The following LNPEP variants were observed in gnomAD, a reference collection of about 807,000 sequenced individuals.
LNPEP encodes leucyl and cystinyl aminopeptidase, also known as leucyl-cystinyl aminopeptidase.
Under a neutral mutation model 120.6 loss-of-function variants are expected in LNPEP, and 64 were observed. The observed-to-expected ratio is 0.53, with a 90% CI of 0.43 to 0.65. The LOEUF is 0.65. Among genes scored for constraint, LNPEP ranks in the 30% least tolerant of loss-of-function variants. The probability of loss-of-function intolerance (pLI) is 0.00; values close to 1 mark genes in which losing one functional copy is unlikely to be tolerated. For synonymous variants in LNPEP, 435 were observed against 425.4 expected, an observed-to-expected ratio of 1.02 and a Z score of -0.28; for missense variants, 1,057 against 1,200.0, an observed-to-expected ratio of 0.88 and a Z score of 1.76.
In LNPEP at chr5:96,993,982, C is replaced by G; in HGVS notation, c.1407+11C>G. ...GAGCTGGCCCACCAGGTATTAGCAA[C>G]CAAGGCTGTTCTGTGTCACACCTGT... On this transcript the variant is annotated intron_variant, in intron 6 of 17. Transcript: ENST00000231368. 1.2e-6 allele frequency: 2 copies of G among 1,612,710 alleles called. No individual in the cohort carries two copies. The highest frequency in any genetic ancestry group is 1.7e-6 in the Non-Finnish European group (2 of 1,178,904).
At chr5:96,984,870 C>G (rs1387584269) in intron 2 of LNPEP, among the ~76,000 whole-genome samples, 1 of 152,138 alleles carries the variant, frequency 6.6e-6, no homozygotes, top group Non-Finnish European at 1.5e-5. Flanking sequence ...TGTTTCCTTC[C>G]CTTTGTTCCC....
At position 97,006,833 on chromosome 5, in the gene LNPEP, A is replaced by G. The variant is rs187158684; in HGVS notation, c.2035+318A>G. 2.0e-4 allele frequency among the ~76,000 whole-genome samples: 30 copies of G among 152,344 alleles called. No homozygotes were observed. In the East Asian group the frequency reaches 3.3e-3, roughly 17 times the overall value. ...GGAGTTTCTTAAAGTATCCTCTGCT[A>G]TCTACTGTCTAGGGTTGGGCTGAGG... On this transcript the variant is annotated intron_variant, in intron 11 of 17. Transcript: ENST00000231368.
rs1259640103 is a variant in LNPEP, at chr5:97,029,235, T to C, written c.*702T>C. 6.6e-6 allele frequency: 1 copy of C among 152,366 alleles called. No individual in the cohort carries two copies. The highest frequency in any genetic ancestry group is 1.5e-5 in the Non-Finnish European group (1 of 68,040). 9.4% of individuals were successfully genotyped at this position (152,366 alleles called of 1,614,324 possible). ...AATTTTTTGAATATTTAAGACTTTC[T>C]TTTTCATCTTTTATAGCGTTACCAT... On this transcript the variant is annotated 3_prime_UTR_variant, in exon 18 of 18. Coordinates refer to ENST00000231368, the MANE Select transcript of LNPEP (RefSeq NM_005575.3).
intron 1 of LNPEP, among the ~76,000 whole-genome samples, chr5:96,947,621 A>C (rs917883795): frequency 1.3e-5 from 2 of 152,214 alleles, no homozygotes; most frequent in Admixed American, 6.5e-5. Flanking sequence ...TCCTCTGTAG[A>C]ATCGACAATG....
intron 6 of LNPEP, among the ~76,000 whole-genome samples, chr5:96,995,557 C>A (rs1209740803): frequency 1.3e-5 from 2 of 150,680 alleles, no homozygotes; most frequent in Non-Finnish European, 2.9e-5. Context: ...GAAACAAGAT[C>A]TCACTCTGTC....
intron 1 of LNPEP, 137 bp downstream of exon 1, chr5:96,936,311 G>T: frequency 1.8e-6 from 1 of 542,656 alleles, no homozygotes; most frequent in Non-Finnish European, 2.8e-6. Context: ...GGGAGGCAGG[G>T]AGAGGGGATC....
In LNPEP at chr5:97,022,333, C is replaced by T; in HGVS notation, c.2410C>T (p.Gln804Ter). ...RVFKLLQNQI[Q>*]QQTWTDEGTP... ...ATTTAAATTACTTCAAAACCAAATT[C>T]AACAACAAACTTGGACTGATGAGGG... Residue 804 changes from glutamine to a stop codon, truncating the protein, a stop_gained, in exon 14 of 18, where the codon CAA becomes TAA. Coordinates refer to ENST00000231368, the MANE Select transcript of LNPEP (RefSeq NM_005575.3). LOFTEE classifies it high-confidence loss of function. The T allele has an allele frequency of 6.2e-7, 1 of 1,611,660 alleles. No individual in the cohort carries two copies. The highest frequency in any genetic ancestry group is 8.5e-7 in the Non-Finnish European group (1 of 1,178,640).
At chr5:96,959,114 A>G (rs1332487268) in intron 1 of LNPEP, among the ~76,000 whole-genome samples, 1 of 151,938 alleles carries the variant, frequency 6.6e-6, no homozygotes, top group Non-Finnish European at 1.5e-5. Context: ...GACCCCTGTG[A>G]TTGTATTGGG....
intron 8 of LNPEP, among the ~76,000 whole-genome samples, chr5:97,001,858 G>A (rs776473647): frequency 1.5e-4 from 23 of 152,100 alleles, no homozygotes; most frequent in African/African-American, 3.1e-4. Context: ...AAATACTTCC[G>A]GCCGGGCATG....
In LNPEP at chr5:96,980,134, ATC is replaced by A. The variant is rs527399150; in HGVS notation, c.860+162_860+163del. Among the ~76,000 whole-genome samples the A allele has an allele frequency of 1.4e-3, 216 of 152,252 alleles. 1 individual carries two copies. The highest frequency in any genetic ancestry group is 4.9e-3 in the African/African-American group (204 of 41,548). Reference sequence around the variant, plus strand: ...GAATGGTGATTTAGAACAATATATTATCTCTCTTAGTCAACGCCTTGAGCATA... The same window carrying A: ...GAATGGTGATTTAGAACAATATATTATCTCTTAGTCAACGCCTTGAGCATA... On this transcript the variant is annotated intron_variant, in intron 2 of 17. Coordinates refer to ENST00000231368, the MANE Select transcript of LNPEP (RefSeq NM_005575.3).
At position 97,034,557 on chromosome 5, in the gene LNPEP, G is replaced by A. The variant is rs1047189976; in HGVS notation, c.*6024G>A. On this transcript the variant is annotated 3_prime_UTR_variant, in exon 18 of 18. Coordinates refer to ENST00000231368, the MANE Select transcript of LNPEP (RefSeq NM_005575.3). ...GAGTTGTAGGAATCAAATGTAATGA[G>A]GGACCCAGACCCGAGAGTGTGGTAA... 12 of 151,816 alleles carry A rather than the reference G, an allele frequency of 7.9e-5. No individual in the cohort carries two copies. The highest frequency in any genetic ancestry group is 7.9e-4 in the Admixed American group (12 of 15,198). 9.4% of individuals were successfully genotyped at this position (151,816 alleles called of 1,614,324 possible).
rs371940179 is a variant in LNPEP, at chr5:96,979,909, C to G, written c.791C>G (p.Ser264Trp). ...GHNYTLKIEY[S>W]ANISSSYYGF... is the part of the protein sequence containing the mutation. Reference sequence around the variant, plus strand: ...AATTATACGTTGAAGATAGAGTACTCGGCAAATATATCTAGTTCTTATTAT... The same window carrying G: ...AATTATACGTTGAAGATAGAGTACTGGGCAAATATATCTAGTTCTTATTAT... Residue 264 changes from serine to tryptophan, a missense_variant, in exon 2 of 18, where the codon TCG (serine) becomes TGG (tryptophan). Transcript: ENST00000231368. The G allele has an allele frequency of 6.2e-7, 1 of 1,613,594 alleles. No individual in the cohort carries two copies.
At chr5:97,027,677 C>T in intron 16 of LNPEP, 56 bp from the exon 17 acceptor site, 2 of 1,114,828 alleles carry the variant, frequency 1.8e-6, no homozygotes, top group Non-Finnish European at 2.7e-6. Context: ...CACTCAGGAA[C>T]AACGCTTTAC....
At chr5:97,023,197 C>T (rs1367156220) in intron 14 of LNPEP, among the ~76,000 whole-genome samples, 1 of 152,008 alleles carries the variant, frequency 6.6e-6, no homozygotes, top group East Asian at 1.9e-4. Context: ...ATTTCATTTA[C>T]CATAACGTCT....
At chr5:96,995,885 G>C in intron 6 of LNPEP, 1 of 155,336 alleles carries the variant, frequency 6.4e-6, no homozygotes, top group Non-Finnish European at 1.4e-5. Flanking sequence ...TGCATATACT[G>C]TCTTCAATTT....
intron 1 of LNPEP, among the ~76,000 whole-genome samples, chr5:96,970,992 T>C (rs1333985532): frequency 1.3e-5 from 2 of 152,132 alleles, no homozygotes; most frequent in Non-Finnish European, 2.9e-5. Flanking sequence ...CGTCTGGTAG[T>C]AGTTCCCTTC....
intron 1 of LNPEP, among the ~76,000 whole-genome samples, chr5:96,965,207 A>G (rs1275473987): frequency 6.6e-6 from 1 of 152,054 alleles, no homozygotes; most frequent in East Asian, 1.9e-4. Context: ...TGTAGCTAAC[A>G]TTGTCTTAGT....
intron 7 of LNPEP, among the ~76,000 whole-genome samples, chr5:96,997,530 CT>C (rs1380711699): frequency 1.3e-5 from 2 of 152,012 alleles, no homozygotes; most frequent in Non-Finnish European, 2.9e-5. Context: ...AGAATTATTT[CT>C]GTTTAAGAGT....
At chr5:96,958,401 T>TAA (rs1431004916) in intron 1 of LNPEP, 1 of 805,650 alleles carries the variant, frequency 1.2e-6, no homozygotes, top group African/African-American at 1.9e-5. Context: ...TTGAATTACC[T>TAA]AATAGCTATA....
Sources: allele counts gnomAD v4.1 joint callset (sites outside exome capture counted in the v4.1 genomes callset), GRCh38; gene constraint gnomAD v4.1.1; transcripts MANE v1.5; gene names NCBI Gene and HGNC (gene_info 2026-07-23, HGNC 2026-07-21).